RGL1: variants seen among roughly 807,000 people sequenced by gnomAD.
RGL1 encodes the protein ral guanine nucleotide dissociation stimulator-like 1.
Under a neutral mutation model 95.2 loss-of-function variants are expected in RGL1, and 24 were observed. The ratio of observed to expected loss-of-function variants is 0.25; its 90% CI spans 0.18 to 0.35. RGL1 has a LOEUF of 0.35. Ranked by LOEUF, RGL1 falls within the 10% of genes least tolerant of loss-of-function variation. RGL1 has a pLI of 1.00. For synonymous variants in RGL1, 329 were observed against 344.9 expected, an observed-to-expected ratio of 0.95 and a Z score of 0.51; for missense variants, 715 against 936.3, an observed-to-expected ratio of 0.76 and a Z score of 3.08.
intron 2 of RGL1, 85 bp downstream of exon 2, chr1:183,806,570 C>T: frequency 1.1e-5 from 8 of 739,240 alleles, no homozygotes; most frequent in South Asian, 2.0e-5. Context: ...CAGAGGCAGG[C>T]TTTTTTTTTT....
intron 2 of RGL1, among the ~76,000 whole-genome samples, chr1:183,792,821 A>G (rs1253712830): frequency 6.6e-6 from 1 of 152,178 alleles, no homozygotes; most frequent in Admixed American, 6.5e-5. Flanking sequence ...CAAAGGAAAG[A>G]CATTCCATGC....
chr1:183,848,861 A>C (rs1036321741), intron 3 of RGL1, among the ~76,000 whole-genome samples: 2 of 152,074 alleles, frequency 1.3e-5, no homozygotes, highest in African/African-American at 2.4e-5. Context: ...TTTTTCTCCA[A>C]GCTCCAATCC....
chr1:183,698,095 A>C (rs556185285), intron 1 of RGL1, among the ~76,000 whole-genome samples: 1 of 152,128 alleles, frequency 6.6e-6, no homozygotes, highest in Non-Finnish European at 1.5e-5. Flanking sequence ...ATGAGGGACA[A>C]TTTTGTTTAT....
intron 1 of RGL1, among the ~76,000 whole-genome samples, chr1:183,650,691 TTA>T (rs1360944407): frequency 1.4e-5 from 2 of 141,950 alleles, no homozygotes; most frequent in Admixed American, 1.5e-4. Flanking sequence ...TATATAATAT[TTA>T]TTATAAAGAA....
intron 1 of RGL1, among the ~76,000 whole-genome samples, chr1:183,654,857 G>A (rs543658304): frequency 7.9e-5 from 12 of 152,364 alleles, no homozygotes; most frequent in African/African-American, 2.9e-4. Context: ...TCTGTTAGAT[G>A]TAGGAAGACT....
intron 2 of RGL1, among the ~76,000 whole-genome samples, chr1:183,788,992 C>A (rs966488532): frequency 6.6e-6 from 1 of 152,160 alleles, no homozygotes; most frequent in Non-Finnish European, 1.5e-5. Context: ...AGATTGTTTT[C>A]TTTGGGAAGT....
chr1:183,666,430 T>A (rs946904024), intron 1 of RGL1, among the ~76,000 whole-genome samples: 1 of 152,242 alleles, frequency 6.6e-6, no homozygotes, highest in Non-Finnish European at 1.5e-5. Flanking sequence ...TTTAAATTTC[T>A]CTTGCAAGTT....
At chr1:183,716,138 C>T (rs752358995) in intron 1 of RGL1, among the ~76,000 whole-genome samples, 9 of 152,220 alleles carry the variant, frequency 5.9e-5, no homozygotes, top group Non-Finnish European at 1.0e-4. Flanking sequence ...CCGGATACCA[C>T]ATTGCCCAGC....
At chr1:183,878,722 A>G (rs1224776565) in intron 4 of RGL1, among the ~76,000 whole-genome samples, 7 of 152,216 alleles carry the variant, frequency 4.6e-5, no homozygotes, top group Non-Finnish European at 4.4e-5. Context: ...TGAATAATAT[A>G]TTAGCATCAC....
At chr1:183,842,618 GA>G (rs779340818) in intron 2 of RGL1, among the ~76,000 whole-genome samples, 1 of 152,160 alleles carries the variant, frequency 6.6e-6, no homozygotes, top group Non-Finnish European at 1.5e-5. Context: ...AAACAAACAT[GA>G]AACATTTTTG....
rs751229707 is a variant in RGL1 at position 183,805,971 on chromosome 1, C to CTTTTTTTTTTTTTTTTTTTTTTTTTTTTT, written c.28-392_28-364dup. Among the ~76,000 whole-genome samples the CTTTTTTTTTTTTTTTTTTTTTTTTTTTTT allele has an allele frequency of 3.6e-3, 271 of 74,640 alleles. 25 individuals carry two copies. Among genetic ancestry groups the CTTTTTTTTTTTTTTTTTTTTTTTTTTTTT allele is most frequent in the Non-Finnish European group, 4.5e-3 (177 of 39,104 alleles). 49.0% of individuals were successfully genotyped at this position (74,640 alleles called of 152,430 possible). On this transcript the variant is annotated intron_variant, in intron 1 of 17. Coordinates refer to ENST00000360851, the MANE Select transcript of RGL1 (RefSeq NM_001297671.3). ...TTTCTTTTTCTTTTTCTTTTCTTTT[C>CTTTTTTTTTTTTTTTTTTTTTTTTTTTTT]TTTTTTTTTTTTTTTTTTTTTTTTT... is the stretch of plus-strand genomic sequence containing the variant.
At chr1:183,810,343 G>C (rs1287071477) in intron 2 of RGL1, among the ~76,000 whole-genome samples, 1 of 152,308 alleles carries the variant, frequency 6.6e-6, no homozygotes, top group African/African-American at 2.4e-5. Flanking sequence ...TGTGGGCAGT[G>C]GAATGATCAG....
At chr1:183,809,982 G>A (rs1661599977) in intron 2 of RGL1, among the ~76,000 whole-genome samples, 1 of 152,096 alleles carries the variant, frequency 6.6e-6, no homozygotes, top group Admixed American at 6.5e-5. Flanking sequence ...ATTTCACCCA[G>A]ACATTCACTT....
At chr1:183,648,298 T>C (rs766535075) in intron 1 of RGL1, 2 of 1,614,206 alleles carry the variant, frequency 1.2e-6, no homozygotes, top group Non-Finnish European at 1.7e-6. Context: ...GGAAAGTCCA[T>C]CTCAGTATGA....
intron 5 of RGL1, 68 bp downstream of exon 5, chr1:183,880,868 G>C: frequency 1.4e-6 from 2 of 1,444,578 alleles, no homozygotes; most frequent in South Asian, 1.3e-5. Flanking sequence ...CTGGAGAAAG[G>C]TTCTCCCTGT....
At chr1:183,799,165 G>A (rs1343159325) in intron 2 of RGL1, among the ~76,000 whole-genome samples, 1 of 151,666 alleles carries the variant, frequency 6.6e-6, no homozygotes, top group Non-Finnish European at 1.5e-5. Flanking sequence ...GCCTCCCAAA[G>A]TGCTGGGATT....
At chr1:183,647,380 T>C (rs1650367723) in intron 1 of RGL1, 1 of 221,522 alleles carries the variant, frequency 4.5e-6, no homozygotes, top group Non-Finnish European at 8.8e-6. Flanking sequence ...GTGAGTAAAA[T>C]AGAATAATGA....
At position 183,909,276 on chromosome 1, in the gene RGL1, A is replaced by G. The variant is rs556257388; in HGVS notation, c.1562+2175A>G. Among the ~76,000 whole-genome samples, 26 of 152,326 alleles carry G rather than the reference A, an allele frequency of 1.7e-4. 2 individuals are homozygous for G. In the South Asian group the frequency reaches 3.9e-3, roughly 23 times the overall value. ...ATGCATTTTTGCTGTTCCCACATTCAATGGCTCATCATTCCAAAGAGGTTG... is the reference window on the plus strand; with the variant it reads ...ATGCATTTTTGCTGTTCCCACATTCGATGGCTCATCATTCCAAAGAGGTTG... On this transcript the variant is annotated intron_variant, in intron 14 of 17. Transcript: ENST00000360851.
At chr1:183,661,940 A>G (rs1480023693) in intron 1 of RGL1, among the ~76,000 whole-genome samples, 13 of 150,312 alleles carry the variant, frequency 8.6e-5, no homozygotes. Context: ...CAGCATATAA[A>G]CAGAACCAAA....
Sources: gnomAD v4.1 joint callset for allele counts (sites outside exome capture counted in the v4.1 genomes callset) on GRCh38, gnomAD v4.1.1 for gene constraint, MANE v1.5 for transcripts, NCBI Gene and HGNC (gene_info 2026-07-23, HGNC 2026-07-21) for gene names.